Variants in WDR87 observed in about 807,000 individuals in gnomAD.
WDR87 encodes WD repeat domain 87.
In WDR87, 56 loss-of-function variants were observed where a neutral mutation model predicts 83.3. The ratio of observed to expected loss-of-function variants is 0.67; its 90% confidence interval spans 0.54 to 0.84. The LOEUF (loss-of-function observed/expected upper bound fraction) is 0.84, where lower values mean the gene tolerates loss of function less well. Among genes scored for constraint, WDR87 ranks in the 40% least tolerant of loss-of-function variants. The pLI, the probability that WDR87 is intolerant of heterozygous loss-of-function variation, is 0.00. For synonymous variants in WDR87, 1,173 were observed against 1,250.6 expected, an observed-to-expected ratio of 0.94 and a Z score of 1.31; for missense variants, 2,939 against 3,431.9, an observed-to-expected ratio of 0.86 and a Z score of 3.59.
Position 37,905,496 on chromosome 19 carries a change from C to T in WDR87, c.-47+1003G>A, listed in dbSNP as rs150140312. 7.3e-5 allele frequency among the ~76,000 whole-genome samples: 11 copies of T among 151,000 alleles called. No individual in the cohort carries two copies. The East Asian group carries it at 2.1e-3, about 29-fold the overall frequency. ...ATAATGATAAATAAAATGAATTTTA[C>T]CTGTTTATGTCAAAATTAAAATTGC... On this transcript the variant is annotated intron_variant, in intron 1 of 5. Transcript: ENST00000447313.
At position 37,891,711 on chromosome 19, in the gene WDR87, G is replaced by A. The variant is rs774886850; in HGVS notation, c.3235C>T (p.Leu1079=). ...GCCGGCTTTTCATCTCTATGTGACAGGGTCAGGTTTTCATTCAATCTCTGC... is the reference window on the plus strand; with the variant it reads ...GCCGGCTTTTCATCTCTATGTGACAAGGTCAGGTTTTCATTCAATCTCTGC... ...VEQRLNENLT[L]SHRDEKPAFS... Residue 1079 remains leucine (L), a synonymous_variant, in exon 5 of 6, where the codon CTG becomes TTG. Transcript: ENST00000447313. The A allele has an allele frequency of 1.0e-5, 16 of 1,551,878 alleles. No individual in the cohort carries two copies. Among genetic ancestry groups the A allele is most frequent in the Non-Finnish European group, 1.4e-5 (16 of 1,147,076 alleles).
At position 37,885,607 on chromosome 19, in the gene WDR87, C is replaced by G; in HGVS notation, c.8064G>C (p.Glu2688Asp). Residue 2688 changes from glutamate (E) to aspartate (D), a missense_variant, in exon 6 of 6, where the codon GAG becomes GAC. Around this residue, in one of 3 missense-constraint regions of WDR87, gnomAD observed 2,160 missense variants for 2,533.1 expected, o/e 0.85. Coordinates refer to ENST00000447313, the MANE Select transcript of WDR87 (RefSeq NM_001291088.2). ...GAGCAATGGATATCTGCTGTGCCCT[C>G]TCACTTCTGTAAGGTTCTCCTAGAA... ...WHLLGEPYRS[E>D]RAQQISIAHK... 4.5e-6 allele frequency: 7 copies of G among 1,551,756 alleles called. No homozygotes were observed. Among genetic ancestry groups the G allele is most frequent in the Non-Finnish European group, 6.1e-6 (7 of 1,147,012 alleles).
intron 2 of WDR87, among the ~76,000 whole-genome samples, chr19:37,897,213 T>TG (rs2031800173): frequency 6.7e-6 from 1 of 148,996 alleles, no homozygotes; most frequent in Admixed American, 6.7e-5. Flanking sequence ...TGTTTTTTTT[T>TG]TTTTTTTTTT....
intron 1 of WDR87, among the ~76,000 whole-genome samples, chr19:37,901,028 A>T (rs1302623238): frequency 6.7e-6 from 1 of 148,558 alleles, no homozygotes; most frequent in Non-Finnish European, 1.5e-5. Context: ...GGTCCTAGCT[A>T]TTTGGGAGGC....
At chr19:37,901,911 C>A (rs1214229443) in intron 1 of WDR87, among the ~76,000 whole-genome samples, 1 of 151,904 alleles carries the variant, frequency 6.6e-6, no homozygotes, top group Admixed American at 6.6e-5. Context: ...GATACAGGGT[C>A]TCCCTATGTT....
chr19:37,895,841 T>C (rs989917294), intron 3 of WDR87, among the ~76,000 whole-genome samples: 1 of 151,102 alleles, frequency 6.6e-6, no homozygotes, highest in African/African-American at 2.4e-5. Flanking sequence ...TATTTCCCCA[T>C]GTTTTATGTT....
rs2046131606 is a variant in WDR87 at position 37,885,136 on chromosome 19, G to T, written c.8535C>A (p.Cys2845Ter). Residue 2845 changes from cysteine to a stop codon, truncating the protein, a stop_gained, in exon 6 of 6, where the codon TGC becomes TGA. Coordinates refer to ENST00000447313, the MANE Select transcript of WDR87 (RefSeq NM_001291088.2). LOFTEE classifies it low-confidence loss of function (END_TRUNC). The stretch of plus-strand genomic sequence containing the variant: ...GAGTATGAGAACTGCCACAAAACAG[G>T]CAGCAGAACAGCCGTTCCCCGGGAA... ...ELVPGERLFC[C>*]LFCGSSHTPR... The T allele has an allele frequency of 1.4e-6, 2 of 1,463,068 alleles. No homozygotes were observed. Among genetic ancestry groups the T allele is most frequent in the Non-Finnish European group, 1.8e-6 (2 of 1,108,016 alleles). 90.6% of individuals were successfully genotyped at this position (1,463,068 alleles called of 1,614,324 possible).
In WDR87 at chr19:37,906,532, G is replaced by A. The variant is rs1568458952; in HGVS notation, c.-80C>T. On this transcript the variant is annotated 5_prime_UTR_variant, in exon 1 of 6. Coordinates refer to ENST00000447313, the MANE Select transcript of WDR87 (RefSeq NM_001291088.2). Reference sequence around the variant, plus strand: ...GGATTCCCGACAAGGGACGGGTACGGCGTGTGCACTCAGGAGCTCCTAGAG... The same window carrying A: ...GGATTCCCGACAAGGGACGGGTACGACGTGTGCACTCAGGAGCTCCTAGAG... 1 of 152,278 alleles carries A rather than the reference G, an allele frequency of 6.6e-6. No individual in the cohort carries two copies. The highest frequency in any genetic ancestry group is 2.4e-5 in the African/African-American group (1 of 41,578). The allele number at this position is 152,278 out of a possible 1,614,324, so 9.4% of individuals were successfully genotyped here. A position where few individuals can be genotyped will look rare whatever the true frequency, so the allele number is the denominator to read the frequency against.
chr19:37,885,266 A>G lies in WDR87; in HGVS notation c.8405T>C (p.Leu2802Pro). The G allele has an allele frequency of 6.5e-7, 1 of 1,529,132 alleles. No homozygotes were observed. The highest frequency in any genetic ancestry group is 8.8e-7 in the Non-Finnish European group (1 of 1,137,704). The allele number at this position is 1,529,132 out of a possible 1,614,324, so 94.7% of individuals were successfully genotyped here. The change falls in exon 6 of 6, where the codon CTT becomes CCT. Residue 2802 changes from leucine to proline, a missense_variant. Transcript: ENST00000447313. ...QFYQLMDLYQLKSPRIQKLLQ... is the reference protein window; with the variant it reads ...QFYQLMDLYQPKSPRIQKLLQ... The stretch of plus-strand genomic sequence containing the variant: ...CAGCTTCTGGATTCTGGGGGACTTA[A>G]GTTGGTACAGGTCCATGAGCTGGTA...
At position 37,893,488 on chromosome 19, in the gene WDR87, C is replaced by T; in HGVS notation, c.2215G>A (p.Ala739Thr). The change falls in exon 4 of 6, where the codon GCC (alanine) becomes ACC (threonine). Residue 739 changes from alanine to threonine, a missense_variant. Physicochemically the swap from Ala to Thr is moderately conservative, Grantham distance 58. Around this residue, in one of 3 missense-constraint regions of WDR87, gnomAD observed 2,160 missense variants for 2,533.1 expected, o/e 0.85. Coordinates refer to ENST00000447313, the MANE Select transcript of WDR87 (RefSeq NM_001291088.2). ...GGCACAGAATGGTCAAAGGCAATGGCCCGGTTGTTGACAAGTTTCTCCAGA... is the reference window on the plus strand; with the variant it reads ...GGCACAGAATGGTCAAAGGCAATGGTCCGGTTGTTGACAAGTTTCTCCAGA... ...VGLEKLVNNR[A>T]IAFDHSVPHV... is the part of the protein sequence containing the mutation. 6.4e-7 allele frequency: 1 copy of T among 1,551,860 alleles called. No homozygotes were observed. The highest frequency in any genetic ancestry group is 1.2e-5 in the South Asian group (1 of 84,062).
At position 37,895,447 on chromosome 19, in the gene WDR87, A is replaced by G. The variant is rs753787315; in HGVS notation, c.256T>C (p.Trp86Arg). The change falls in exon 4 of 6, where the codon TGG becomes CGG. Residue 86 changes from tryptophan to arginine, a missense_variant. Transcript: ENST00000447313. ...SNTKEIQAVA[W>R]MKSKTEDMVE... ...ATGTCCTCAGTTTTGCTCTTCATCC[A>G]TGCTACAGCCTAGAAGAGAATAAGA... 3.9e-6 allele frequency: 6 copies of G among 1,551,210 alleles called. No homozygotes were observed. The South Asian group carries it at 4.8e-5, about 12-fold the overall frequency.
chr19:37,891,113 T>C (rs911231181), intron 5 of WDR87, among the ~76,000 whole-genome samples: 2 of 151,946 alleles, frequency 1.3e-5, no homozygotes, highest in African/African-American at 4.8e-5. Flanking sequence ...CCCGAGAGTG[T>C]CTTTTCTATG....
At chr19:37,895,932 C>T (rs1198178580) in intron 3 of WDR87, 2 of 647,050 alleles carry the variant, frequency 3.1e-6, no homozygotes. Flanking sequence ...AATCCTAGGA[C>T]CCTTTTCCTA....
chr19:37,884,851 G>A lies in WDR87; in HGVS notation c.*81C>T. The A allele has an allele frequency of 4.3e-6, 5 of 1,161,808 alleles. No individual in the cohort carries two copies. Among genetic ancestry groups the A allele is most frequent in the Non-Finnish European group, 5.5e-6 (5 of 907,582 alleles). 72.0% of individuals were successfully genotyped at this position (1,161,808 alleles called of 1,614,324 possible). On this transcript the variant is annotated 3_prime_UTR_variant, in exon 6 of 6. Transcript: ENST00000447313. The stretch of plus-strand genomic sequence containing the variant: ...CTCAAAAAAAAAAAAAAGAGAGAGA[G>A]AGAGATGAAGGTCTAGATCCTGGTA...
intron 3 of WDR87, 24 bp from the exon 4 acceptor site, chr19:37,895,480 T>C: frequency 6.5e-7 from 1 of 1,539,312 alleles, no homozygotes; most frequent in Non-Finnish European, 8.8e-7. Flanking sequence ...AGAAGGAAAC[T>C]GCCTAGGCCG....
At position 37,885,591 on chromosome 19, in the gene WDR87, A is replaced by C. The variant is rs1310757811; in HGVS notation, c.8080T>G (p.Ser2694Ala). 1.9e-6 allele frequency: 3 copies of C among 1,551,574 alleles called. No homozygotes were observed. The highest frequency in any genetic ancestry group is 1.7e-6 in the Non-Finnish European group (2 of 1,147,016). ...PYRSERAQQI[S>A]IAHKEMEMQY... The stretch of plus-strand genomic sequence containing the variant: ...ATTTCCATCTCCTTGTGAGCAATGG[A>C]TATCTGCTGTGCCCTCTCACTTCTG... The change falls in exon 6 of 6, where the codon TCC becomes GCC. Residue 2694 changes from serine to alanine, a missense_variant. Ser to Ala is a moderately conservative substitution (Grantham distance 99). Around this residue, in one of 3 missense-constraint regions of WDR87, gnomAD observed 2,160 missense variants for 2,533.1 expected, o/e 0.85. Coordinates refer to ENST00000447313, the MANE Select transcript of WDR87 (RefSeq NM_001291088.2).
At chr19:37,899,708 C>G (rs7255551) in intron 1 of WDR87, among the ~76,000 whole-genome samples, 1 of 151,720 alleles carries the variant, frequency 6.6e-6, no homozygotes, top group African/African-American at 2.4e-5. Flanking sequence ...TTGGCCTCCC[C>G]AAATGCTGGG....
chr19:37,899,436 A>AG (rs398034530), intron 1 of WDR87, among the ~76,000 whole-genome samples: 11 of 147,356 alleles, frequency 7.5e-5, no homozygotes, highest in African/African-American at 2.7e-4. Context: ...AAAAAAAAAA[A>AG]GGAAAAAAAA....
In WDR87 at chr19:37,888,900, G is replaced by C. The variant is rs1174955165; in HGVS notation, c.4771C>G (p.Arg1591Gly). The change falls in exon 6 of 6, where the codon CGG (arginine) becomes GGG (glycine). Residue 1591 changes from arginine to glycine, a missense_variant. By Grantham distance (125) the Arg-to-Gly change is moderately radical. Around this residue, in one of 3 missense-constraint regions of WDR87, gnomAD observed 2,160 missense variants for 2,533.1 expected, o/e 0.85. Transcript: ENST00000447313. The part of the protein sequence containing the change: ...EEVTLEEEVS[R>G]EGEEKEQQVT... The stretch of plus-strand genomic sequence containing the variant: ...TGCTGTTCTTTTTCTTCCCCCTCCC[G>C]AGACACTTCTTCCTCCAAAGTCACT... 5 of 1,551,228 alleles carry C rather than the reference G, an allele frequency of 3.2e-6. No homozygotes were observed. The highest frequency in any genetic ancestry group is 1.7e-6 in the Non-Finnish European group (2 of 1,147,002).
Sources: gnomAD v4.1 joint callset for allele counts (sites outside exome capture counted in the v4.1 genomes callset) on GRCh38, gnomAD v4.1.1 for gene constraint, gnomAD v4.1.1 regional missense constraint, MANE v1.5 for transcripts, NCBI Gene and HGNC (gene_info 2026-07-23, HGNC 2026-07-21) for gene names.